Variants in GOLGA1 observed in about 807,000 individuals in gnomAD.
The protein encoded by GOLGA1 is golgin A1.
In GOLGA1, 63 loss-of-function variants were observed where a neutral mutation model predicts 119.7. The observed-to-expected ratio is 0.53, with a 90% CI of 0.43 to 0.65. The LOEUF (loss-of-function observed/expected upper bound fraction) is 0.65, where lower values mean the gene tolerates loss of function less well. Among genes scored for constraint, GOLGA1 ranks in the 30% least tolerant of loss-of-function variants. The pLI, the probability that GOLGA1 is intolerant of heterozygous loss-of-function variation, is 0.00. For synonymous variants in GOLGA1, 318 were observed against 333.4 expected, an observed-to-expected ratio of 0.95 and a Z score of 0.50; for missense variants, 798 against 912.8, an observed-to-expected ratio of 0.87 and a Z score of 1.62.
Position 124,882,587 on chromosome 9 carries a change from C to A in GOLGA1, c.1906-18G>T. Reference sequence around the variant, plus strand: ...TTTATGGTCTGCGACAAGCCCCACCCCACAGAAAGCCAATCGTTAGATGCA... The same window carrying A: ...TTTATGGTCTGCGACAAGCCCCACCACACAGAAAGCCAATCGTTAGATGCA... On this transcript the variant is annotated intron_variant, in intron 19 of 22. Transcript: ENST00000373555. 1 of 1,606,440 alleles carries A rather than the reference C, an allele frequency of 6.2e-7. No individual in the cohort carries two copies.
intron 15 of GOLGA1, among the ~76,000 whole-genome samples, chr9:124,897,100 T>C (rs1830001227): frequency 6.6e-6 from 1 of 152,190 alleles, no homozygotes; most frequent in Admixed American, 6.5e-5. Flanking sequence ...GTATTTGTTA[T>C]TTCTTCAGTC....
At chr9:124,902,421 T>C (rs1830128680) in intron 12 of GOLGA1, among the ~76,000 whole-genome samples, 1 of 151,062 alleles carries the variant, frequency 6.6e-6, no homozygotes, top group Non-Finnish European at 1.5e-5. Flanking sequence ...TGGGGAGCTT[T>C]ATTATTAAAC....
At chr9:124,944,041 T>C (rs1280179862), upstream of GOLGA1, 1 of 152,214 alleles carries the variant, frequency 6.6e-6, no homozygotes, top group Non-Finnish European at 1.5e-5. Flanking sequence ...TTATCTAAGA[T>C]GTTTCTACCT....
At chr9:124,904,956 T>A (rs377562744) in intron 12 of GOLGA1, among the ~76,000 whole-genome samples, 15,099 of 110,986 alleles carry the variant, frequency 0.14, 1,040 homozygotes, top group South Asian at 0.19. Context: ...AAAAAAAAAA[T>A]AAATAAAATA....
upstream of GOLGA1, among the ~76,000 whole-genome samples, chr9:124,941,912 C>G (rs1029108926): frequency 6.6e-6 from 1 of 152,018 alleles, no homozygotes; most frequent in Non-Finnish European, 1.5e-5. Context: ...GAGACTCCGT[C>G]TCTTTAAATA....
chr9:124,899,310 C>G lies in GOLGA1; in HGVS notation c.1311+19G>C. On this transcript the variant is annotated intron_variant, in intron 14 of 22. Transcript: ENST00000373555. ...ACCCTGGTGCTCCTGGGCCCACCCT[C>G]TCTTAGCTCTTCACTCACCATCCCT... is the stretch of plus-strand genomic sequence containing the variant. 6.5e-7 allele frequency: 1 copy of G among 1,537,980 alleles called. No homozygotes were observed. Among genetic ancestry groups the G allele is most frequent in the South Asian group, 1.2e-5 (1 of 83,764 alleles).
At chr9:124,917,034 T>C (rs1442133520) in intron 10 of GOLGA1, among the ~76,000 whole-genome samples, 2 of 152,010 alleles carry the variant, frequency 1.3e-5, no homozygotes, top group Non-Finnish European at 2.9e-5. Context: ...GAGTGCAATG[T>C]TGAGCACAAA....
At position 124,906,188 on chromosome 9, in the gene GOLGA1, C is replaced by T. The variant is rs528490462; in HGVS notation, c.1065+2189G>A. 2.0e-5 allele frequency among the ~76,000 whole-genome samples: 3 copies of T among 151,810 alleles called. No individual in the cohort carries two copies. The South Asian group carries it at 6.2e-4, about 32-fold the overall frequency. On this transcript the variant is annotated intron_variant, in intron 12 of 22. Coordinates refer to ENST00000373555, the MANE Select transcript of GOLGA1 (RefSeq NM_002077.4). ...GTGGGTCATGCCTATAATCCTAGCA[C>T]TTTGGGAGGCCAAGGCAGGCGGATC...
At chr9:124,917,178 T>C (rs1588084347) in intron 10 of GOLGA1, among the ~76,000 whole-genome samples, 1 of 152,192 alleles carries the variant, frequency 6.6e-6, no homozygotes, top group South Asian at 2.1e-4. Flanking sequence ...CTCCAAATAG[T>C]ACTTACTTCC....
At chr9:124,928,157 C>G in intron 6 of GOLGA1, 31 bp downstream of exon 6, 1 of 913,176 alleles carries the variant, frequency 1.1e-6, no homozygotes, top group South Asian at 1.5e-5. Context: ...AATCTTTCCA[C>G]CAGTTCTGGG....
chr9:124,881,849 G>A lies in GOLGA1; in HGVS notation c.2071C>T (p.Arg691Cys), dbSNP rs1052870501. The change falls in exon 21 of 23, where the codon CGC becomes TGC. Residue 691 changes from arginine (R) to cysteine (C), a missense_variant. Transcript: ENST00000373555. The surrounding 1 kb of genome is among the most constrained non-coding windows in gnomAD (Gnocchi z 4.9). ...VTNNTDLTDA[R>C]EINFEYLKHV... is the part of the protein sequence containing the mutation. ...TTAAGGTACTCAAAGTTGATCTCGCGGGCATCTGTCAGGTCAGTGTTATTC... is the reference window on the plus strand; with the variant it reads ...TTAAGGTACTCAAAGTTGATCTCGCAGGCATCTGTCAGGTCAGTGTTATTC... 6 of 1,612,842 alleles carry A rather than the reference G, an allele frequency of 3.7e-6. No individual in the cohort carries two copies. Among genetic ancestry groups the A allele is most frequent in the East Asian group, 4.5e-5 (2 of 44,894 alleles).
In GOLGA1 at chr9:124,929,310, G is replaced by A. The variant is rs766544321; in HGVS notation, c.227-20C>T. 6.5e-5 allele frequency: 96 copies of A among 1,474,324 alleles called. No individual in the cohort carries two copies. The highest frequency in any genetic ancestry group is 1.6e-4 in the East Asian group (7 of 44,232). The allele number at this position is 1,474,324 out of a possible 1,614,324, so 91.3% of individuals were successfully genotyped here. Reference sequence around the variant, plus strand: ...CATAGTCTTGGGTGAGGAGGGTGACGCACATACCAGAAATGGACAAACATC... The same window carrying A: ...CATAGTCTTGGGTGAGGAGGGTGACACACATACCAGAAATGGACAAACATC... On this transcript the variant is annotated intron_variant, in intron 4 of 22. Coordinates refer to ENST00000373555, the MANE Select transcript of GOLGA1 (RefSeq NM_002077.4).
chr9:124,892,907 G>A (rs915577655), intron 15 of GOLGA1, among the ~76,000 whole-genome samples: 1 of 150,562 alleles, frequency 6.6e-6, no homozygotes, highest in African/African-American at 2.4e-5. Context: ...ACTCCAGCCT[G>A]GGCAACAGGA....
intron 10 of GOLGA1, among the ~76,000 whole-genome samples, chr9:124,916,140 T>A (rs1588083544): frequency 7.0e-6 from 1 of 143,272 alleles, no homozygotes; most frequent in African/African-American, 2.6e-5. Context: ...TACATAAATA[T>A]ACTTATTTAA....
chr9:124,947,110 C>G (rs183689532), intron 1 of GOLGA1: 2 of 152,236 alleles, frequency 1.3e-5, no homozygotes, highest in East Asian at 3.9e-4. Flanking sequence ...CAGTATGAGG[C>G]ATAAAAATGA....
chr9:124,920,402 G>C (rs188264777), intron 10 of GOLGA1, among the ~76,000 whole-genome samples: 49 of 151,766 alleles, frequency 3.2e-4, no homozygotes, highest in Non-Finnish European at 4.9e-4. Flanking sequence ...CTGGGCCTGA[G>C]AAACACTACT....
Position 124,878,361 on chromosome 9 carries a change from T to C in GOLGA1, c.*2169A>G, listed in dbSNP as rs1345407680. The stretch of plus-strand genomic sequence containing the variant: ...TGACACACCAAACTAGTAAAATCCA[T>C]TGTAGTTGCATCTGGATTGAAGAGC... On this transcript the variant is annotated 3_prime_UTR_variant, in exon 23 of 23. Transcript: ENST00000373555. The C allele has an allele frequency of 2.0e-5, 3 of 152,466 alleles. No individual in the cohort carries two copies. Among genetic ancestry groups the C allele is most frequent in the African/African-American group, 7.2e-5 (3 of 41,430 alleles). 9.4% of individuals were successfully genotyped at this position (152,466 alleles called of 1,614,324 possible). A position where few individuals can be genotyped will look rare whatever the true frequency, so the allele number is the denominator to read the frequency against.
chr9:124,911,821 T>C, intron 11 of GOLGA1, 80 bp downstream of exon 11: 1 of 1,298,580 alleles, frequency 7.7e-7, no homozygotes, highest in Admixed American at 1.9e-5. Context: ...CCTACAGCTC[T>C]GAAACTCTAG....
In GOLGA1 at chr9:124,879,511, C is replaced by T. The variant is rs1441726393; in HGVS notation, c.*1019G>A. On this transcript the variant is annotated 3_prime_UTR_variant, in exon 23 of 23. Coordinates refer to ENST00000373555, the MANE Select transcript of GOLGA1 (RefSeq NM_002077.4). Reference sequence around the variant, plus strand: ...TGTCTCCATCGAGGCTGGGGGACAGCTGCTGCCCCCACTGGAGACAGCGGA... The same window carrying T: ...TGTCTCCATCGAGGCTGGGGGACAGTTGCTGCCCCCACTGGAGACAGCGGA... 6.6e-6 allele frequency: 1 copy of T among 151,944 alleles called. No individual in the cohort carries two copies. The highest frequency in any genetic ancestry group is 1.5e-5 in the Non-Finnish European group (1 of 68,026). 9.4% of individuals were successfully genotyped at this position (151,944 alleles called of 1,614,324 possible). A position where few individuals can be genotyped will look rare whatever the true frequency, so the allele number is the denominator to read the frequency against.
Sources: gnomAD v4.1 joint callset for allele counts (sites outside exome capture counted in the v4.1 genomes callset) on GRCh38, gnomAD v4.1.1 for gene constraint, Gnocchi (gnomAD v3.1) non-coding constraint, MANE v1.5 for transcripts, NCBI Gene and HGNC (gene_info 2026-07-23, HGNC 2026-07-21) for gene names.